The following RORA variants were observed in gnomAD, a reference collection of about 807,000 sequenced individuals.
The protein encoded by RORA is RAR related orphan receptor A, also known as nuclear receptor ROR-alpha.
RORA carries 7 observed loss-of-function variants against 69.5 expected under a neutral mutation model. That is an observed-to-expected ratio of 0.10 (90% CI 0.06 to 0.19). The LOEUF (loss-of-function observed/expected upper bound fraction) is 0.19, where lower values mean the gene tolerates loss of function less well. Among genes scored for constraint, RORA ranks in the 10% least tolerant of loss-of-function variants. The pLI, the probability that RORA is intolerant of heterozygous loss-of-function variation, is 1.00. For synonymous variants in RORA, 261 were observed against 240.8 expected (o/e 1.08, Z -0.78); for missense variants, 457 against 663.0 (o/e 0.69, Z 3.41).
At chr15:60,515,973 TTATATATTTATATATATTTA>T (rs1567051009) in intron 3 of RORA, among the ~76,000 whole-genome samples, 2,695 of 15,990 alleles carry the variant, frequency 0.17, 496 homozygotes, top group South Asian at 0.29. Context: ...TTATATATAT[TTATATATTTATATATATTTA>T]TATATATTTA....
chr15:61,086,099 T>G (rs1256617546), intron 1 of RORA, among the ~76,000 whole-genome samples: 1 of 152,240 alleles, frequency 6.6e-6, no homozygotes, highest in East Asian at 1.9e-4. Context: ...AGTACTATCA[T>G]GCAGACCTTC....
At chr15:60,740,078 G>A (rs185475622) in intron 1 of RORA, among the ~76,000 whole-genome samples, 2 of 152,204 alleles carry the variant, frequency 1.3e-5, no homozygotes, top group African/African-American at 4.8e-5. Flanking sequence ...AGGGAGCGGG[G>A]GAAACTGGAA....
At chr15:60,858,692 T>C (rs868187337) in intron 1 of RORA, among the ~76,000 whole-genome samples, 6 of 142,914 alleles carry the variant, frequency 4.2e-5, no homozygotes, top group South Asian at 2.4e-4. Flanking sequence ...AGAAAGAAAA[T>C]ACACACACAC....
intron 1 of RORA, among the ~76,000 whole-genome samples, chr15:60,699,597 C>T (rs1381432497): frequency 6.6e-6 from 1 of 152,176 alleles, no homozygotes; most frequent in African/African-American, 2.4e-5. Context: ...AGATTTGGGG[C>T]ATCTACTTCT....
chr15:61,074,082 A>T (rs1595951360), intron 1 of RORA, among the ~76,000 whole-genome samples: 1 of 152,214 alleles, frequency 6.6e-6, no homozygotes, highest in East Asian at 1.9e-4. Flanking sequence ...GGGGTTAGAT[A>T]CAAATCCACA....
At chr15:61,040,135 T>TGATATATAG (rs1388562791) in intron 1 of RORA, among the ~76,000 whole-genome samples, 3 of 103,752 alleles carry the variant, frequency 2.9e-5, no homozygotes, top group Non-Finnish European at 6.1e-5. Flanking sequence ...TATATATATA[T>TGATATATAG]ATATATATAT....
In RORA at chr15:60,575,729, C is replaced by T. The variant is rs1328478560; in HGVS notation, c.197-43878G>A. ...TTTTCCATGCCTGGGTCAAAATCAC[C>T]GAATAATGCAAAACTTAGCTTATAA... is the stretch of plus-strand genomic sequence containing the variant. On this transcript the variant is annotated intron_variant, in intron 2 of 10. Transcript: ENST00000335670. Among the ~76,000 whole-genome samples, 9 of 152,150 alleles carry T rather than the reference C, an allele frequency of 5.9e-5. No homozygotes were observed. The South Asian group carries it at 6.2e-4, about 11-fold the overall frequency.
intron 1 of RORA, among the ~76,000 whole-genome samples, chr15:60,866,932 C>G (rs991770111): frequency 6.6e-6 from 1 of 152,134 alleles, no homozygotes; most frequent in Non-Finnish European, 1.5e-5. Flanking sequence ...GTGGTGCGAT[C>G]TTGGCTCACT....
intron 1 of RORA, among the ~76,000 whole-genome samples, chr15:61,009,541 C>T (rs918148485): frequency 6.6e-6 from 1 of 152,190 alleles, no homozygotes; most frequent in African/African-American, 2.4e-5. Context: ...CCTATAAGGT[C>T]AAGACTAATC....
chr15:61,198,467 GA>G (rs1461343321), intron 1 of RORA, among the ~76,000 whole-genome samples: 1 of 152,118 alleles, frequency 6.6e-6, no homozygotes, highest in African/African-American at 2.4e-5. Flanking sequence ...ACCAGCCGCA[GA>G]ATTGTACTAG....
At chr15:60,766,776 T>G (rs2071999137) in intron 1 of RORA, among the ~76,000 whole-genome samples, 2 of 152,254 alleles carry the variant, frequency 1.3e-5, no homozygotes, top group South Asian at 4.1e-4. Context: ...ATTGGGTCAC[T>G]CTTTGAATTC....
rs114499246 is a variant in RORA, at chr15:60,732,692, G to A, written c.167-54006C>T. On this transcript the variant is annotated intron_variant, in intron 1 of 10. Coordinates refer to ENST00000335670, the MANE Select transcript of RORA (RefSeq NM_134261.3). ...CATATCCACCCGTGGACAAACACAC[G>A]TGTACACACACCCCCCTTTACATAA... Among the ~76,000 whole-genome samples, 281 of 151,894 alleles carry A rather than the reference G, an allele frequency of 1.8e-3. 1 individual carries two copies. The highest frequency in any genetic ancestry group is 6.6e-3 in the African/African-American group (273 of 41,400).
intron 1 of RORA, among the ~76,000 whole-genome samples, chr15:60,680,816 TA>T (rs1325750536): frequency 5.9e-5 from 9 of 152,340 alleles, no homozygotes; most frequent in African/African-American, 2.2e-4. Context: ...ATGTAAATTA[TA>T]TTTATTATAG....
intron 2 of RORA, among the ~76,000 whole-genome samples, chr15:60,590,639 T>C (rs1213244702): frequency 6.6e-6 from 1 of 152,076 alleles, no homozygotes; most frequent in Admixed American, 6.6e-5. Context: ...GCAGAGGGCA[T>C]TTAAGACGTT....
intron 1 of RORA, among the ~76,000 whole-genome samples, chr15:61,096,796 TG>T (rs1206934604): frequency 6.6e-6 from 1 of 152,186 alleles, no homozygotes; most frequent in African/African-American, 2.4e-5. Flanking sequence ...AAATACACAC[TG>T]GGGAGCCATT....
intron 1 of RORA, among the ~76,000 whole-genome samples, chr15:60,931,259 C>A (rs1378560507): frequency 6.6e-6 from 1 of 152,184 alleles, no homozygotes; most frequent in African/African-American, 2.4e-5. Flanking sequence ...CTGTTCACTG[C>A]CCAGAGGCAC....
intron 1 of RORA, chr15:60,763,880 G>C (rs949619031): frequency 5.3e-5 from 8 of 152,090 alleles, no homozygotes; most frequent in African/African-American, 1.7e-4. Flanking sequence ...CTCCCCAAAG[G>C]CTCTCTGAGG....
intron 2 of RORA, among the ~76,000 whole-genome samples, chr15:60,547,301 T>C (rs2067100057): frequency 6.6e-6 from 1 of 150,666 alleles, no homozygotes. Flanking sequence ...AAGACACAGC[T>C]GTACTTTATA....
chr15:60,773,007 T>C (rs563376323), intron 1 of RORA, among the ~76,000 whole-genome samples: 58 of 152,236 alleles, frequency 3.8e-4, no homozygotes, highest in Non-Finnish European at 6.3e-4. Flanking sequence ...AATCATTACA[T>C]AGTTTGAGTT....
Sources: gnomAD v4.1 joint callset for allele counts (sites outside exome capture counted in the v4.1 genomes callset) on GRCh38, gnomAD v4.1.1 for gene constraint, MANE v1.5 for transcripts, NCBI Gene and HGNC (gene_info 2026-07-23, HGNC 2026-07-21) for gene names.